The following MTTP variants were observed in gnomAD, a reference collection of about 807,000 sequenced individuals.
MTTP encodes microsomal triglyceride transfer protein, also known as microsomal triglyceride transfer protein large subunit.
MTTP carries 49 observed loss-of-function variants against 90.6 expected under a neutral mutation model. The observed-to-expected ratio is 0.54, with a 90% CI of 0.43 to 0.69. The LOEUF (loss-of-function observed/expected upper bound fraction) is 0.69. MTTP is among the 30% of genes least tolerant of loss of function. MTTP has a pLI of 0.00. For synonymous variants in MTTP, 347 were observed against 384.2 expected (o/e 0.90, Z 1.13); for missense variants, 945 against 1,067.5 (o/e 0.89, Z 1.60).
rs1390084616 is a variant in MTTP at position 99,582,036 on chromosome 4, G to A, written c.193G>A (p.Val65Met). Residue 65 changes from valine (V) to methionine (M), a missense_variant, in exon 2 of 18, where the codon GTG becomes ATG. Coordinates refer to ENST00000265517, the MANE Select transcript of MTTP (RefSeq NM_001386140.1). ...VGYRISSNVD[V>M]ALLWRNPDGD... ...CTACCGCATTTCCTCCAACGTGGATGTGGCCTTACTATGGAGGAATCCTGA... is the reference window on the plus strand; with the variant it reads ...CTACCGCATTTCCTCCAACGTGGATATGGCCTTACTATGGAGGAATCCTGA... 1.2e-6 allele frequency: 2 copies of A among 1,614,086 alleles called. No homozygotes were observed. The highest frequency in any genetic ancestry group is 2.7e-5 in the African/African-American group (2 of 74,942).
At position 99,598,653 on chromosome 4, in the gene MTTP, C is replaced by CTTTTTTTTTT. The variant is rs745529189; in HGVS notation, c.1067+1448_1067+1457dup. Reference sequence around the variant, plus strand: ...ACAACAGTATATCCTTCAAGGAAGTCTTTTTTTTTTTTTTTTTTTTTTTTT... The same window carrying CTTTTTTTTTT: ...ACAACAGTATATCCTTCAAGGAAGTCTTTTTTTTTTTTTTTTTTTTTTTTTTTTTTTTTTT... On this transcript the variant is annotated intron_variant, in intron 8 of 17. Coordinates refer to ENST00000265517, the MANE Select transcript of MTTP (RefSeq NM_001386140.1). 1.9e-4 allele frequency among the ~76,000 whole-genome samples: 16 copies of CTTTTTTTTTT among 82,546 alleles called. 4 individuals are homozygous for CTTTTTTTTTT. Among genetic ancestry groups the CTTTTTTTTTT allele is most frequent in the Non-Finnish European group, 2.3e-4 (10 of 43,210 alleles). 54.2% of individuals were successfully genotyped at this position (82,546 alleles called of 152,430 possible).
At chr4:99,602,980 C>G (rs904082151) in intron 10 of MTTP, among the ~76,000 whole-genome samples, 29 of 152,094 alleles carry the variant, frequency 1.9e-4, no homozygotes, top group Non-Finnish European at 3.7e-4. Flanking sequence ...TCAGACAATA[C>G]AGAAGATGCA....
chr4:99,613,071 A>T lies in MTTP; in HGVS notation c.2148A>T (p.Lys716Asn), dbSNP rs369445389. The change falls in exon 15 of 18, where the codon AAA becomes AAT. Residue 716 changes from lysine (K) to asparagine (N), a missense_variant. Physicochemically the swap from Lys to Asn is moderately conservative, Grantham distance 94 (BLOSUM62 0). Transcript: ENST00000265517. ...ACGGATACAGTGATTTGATGTCCAA[A>T]ATGCTGTCAGCATCTGGCGACCCTA... Reference protein sequence around the residue: ...FFNGYSDLMSKMLSASGDPIS... With the variant: ...FFNGYSDLMSNMLSASGDPIS... 2.7e-5 allele frequency: 43 copies of T among 1,613,954 alleles called. No homozygotes were observed. The highest frequency in any genetic ancestry group is 3.3e-5 in the Non-Finnish European group (39 of 1,179,966).
Position 99,594,881 on chromosome 4 carries a change from T to A in MTTP, c.907T>A (p.Ser303Thr). 6.2e-7 allele frequency: 1 copy of A among 1,613,796 alleles called. No individual in the cohort carries two copies. The highest frequency in any genetic ancestry group is 1.1e-5 in the South Asian group (1 of 91,078). Residue 303 changes from serine to threonine, a missense_variant and splice_region_variant, in exon 7 of 18, where the codon TCT becomes ACT. Physicochemically the swap from Ser to Thr is moderately conservative, Grantham distance 58. Coordinates refer to ENST00000265517, the MANE Select transcript of MTTP (RefSeq NM_001386140.1). The stretch of plus-strand genomic sequence containing the variant: ...CCAGAGCCACTGTAAAGGATGTCCT[T>A]CTGTAAGTGCAGACAAATATGGGAA... ...VFQSHCKGCP[S>T]LSELWRSTRK... is the part of the protein sequence containing the mutation.
intron 15 of MTTP, among the ~76,000 whole-genome samples, chr4:99,614,423 G>A (rs1160577517): frequency 6.6e-6 from 1 of 152,220 alleles, no homozygotes; most frequent in Non-Finnish European, 1.5e-5. Context: ...GGATTAAACA[G>A]TGTTAATTTT....
chr4:99,567,459 G>A (rs1050001709), intron 1 of MTTP, among the ~76,000 whole-genome samples: 3 of 152,126 alleles, frequency 2.0e-5, no homozygotes. Flanking sequence ...GAATGGGAAG[G>A]CCCCAAAACT....
intron 10 of MTTP, among the ~76,000 whole-genome samples, chr4:99,601,956 C>A (rs1057060176): frequency 6.6e-6 from 1 of 151,846 alleles, no homozygotes; most frequent in African/African-American, 2.4e-5. Context: ...TTTTTCAACA[C>A]CAATTGCTCA....
At chr4:99,572,556 A>C (rs2110206182), upstream of MTTP, among the ~76,000 whole-genome samples, 1 of 152,196 alleles carries the variant, frequency 6.6e-6, no homozygotes, top group East Asian at 1.9e-4. Flanking sequence ...CTAATATGTC[A>C]AATGACTGTT....
chr4:99,590,674 C>G (rs1474479601), intron 4 of MTTP, among the ~76,000 whole-genome samples: 2 of 151,996 alleles, frequency 1.3e-5, no homozygotes, highest in Admixed American at 1.3e-4. Context: ...GGCAGAGGCC[C>G]CAGGAAAAAG....
At chr4:99,588,334 A>T (rs1725308569) in intron 3 of MTTP, among the ~76,000 whole-genome samples, 1 of 152,124 alleles carries the variant, frequency 6.6e-6, no homozygotes, top group African/African-American at 2.4e-5. Flanking sequence ...AGACCTTGGG[A>T]ATTTTTACAG....
intron 11 of MTTP, among the ~76,000 whole-genome samples, 180 bp downstream of exon 11, chr4:99,607,140 C>T (rs900756694): frequency 3.3e-5 from 5 of 149,718 alleles, no homozygotes; most frequent in African/African-American, 7.3e-5. Flanking sequence ...CACAGGGTAA[C>T]GTCCTATATC....
At chr4:99,600,464 C>G (rs1578246529) in intron 8 of MTTP, 101 bp from the exon 9 acceptor site, 1 of 1,226,648 alleles carries the variant, frequency 8.2e-7, no homozygotes, top group African/African-American at 1.5e-5. Context: ...AAAATCACTT[C>G]TTGAGAAAAC....
At position 99,597,129 on chromosome 4, in the gene MTTP, G is replaced by A. The variant is rs146953015; in HGVS notation, c.972G>A (p.Glu324=). Residue 324 remains glutamate, a synonymous_variant, in exon 8 of 18, where the codon GAG becomes GAA. Transcript: ENST00000265517. ...YLQPDNLSKA[E]AVRNFLAFIQ... ...AGCCTGACAACCTTTCCAAGGCTGAGGCTGTCAGAAACTTCCTGGCCTTCA... is the reference window on the plus strand; with the variant it reads ...AGCCTGACAACCTTTCCAAGGCTGAAGCTGTCAGAAACTTCCTGGCCTTCA... The A allele has an allele frequency of 1.7e-4, 276 of 1,614,066 alleles. 1 individual carries two copies. The African/African-American group carries it at 3.0e-3, about 18-fold the overall frequency.
At chr4:99,598,953 G>GCA (rs1241904013) in intron 8 of MTTP, among the ~76,000 whole-genome samples, 1 of 152,024 alleles carries the variant, frequency 6.6e-6, no homozygotes, top group Non-Finnish European at 1.5e-5. Context: ...GTGAGCCACC[G>GCA]CACATGGCCA....
intron 15 of MTTP, among the ~76,000 whole-genome samples, chr4:99,613,802 A>G (rs76826818): frequency 0.1 from 15,880 of 152,224 alleles, 997 homozygotes; most frequent in Middle Eastern, 0.2. Flanking sequence ...ACTATCTTTG[A>G]TGCAGTAAGA....
At chr4:99,596,071 A>T (rs1032710874) in intron 7 of MTTP, among the ~76,000 whole-genome samples, 2 of 152,150 alleles carry the variant, frequency 1.3e-5, no homozygotes, top group Non-Finnish European at 2.9e-5. Context: ...ACCTGAATTC[A>T]TATTGATATG....
At chr4:99,588,373 A>G (rs950192258) in intron 3 of MTTP, among the ~76,000 whole-genome samples, 1 of 152,110 alleles carries the variant, frequency 6.6e-6, no homozygotes, top group Non-Finnish European at 1.5e-5. Context: ...CTATTTCTAA[A>G]TTGTGTGATG....
At chr4:99,574,335 G>A (rs184400884), upstream of MTTP, among the ~76,000 whole-genome samples, 92 of 152,294 alleles carry the variant, frequency 6.0e-4, 1 homozygote, top group African/African-American at 2.2e-3. Context: ...ATTGGTGGTG[G>A]TATGAATTAA....
intron 1 of MTTP, among the ~76,000 whole-genome samples, chr4:99,576,091 T>C (rs1724950548): frequency 6.6e-6 from 1 of 152,122 alleles, no homozygotes; most frequent in African/African-American, 2.4e-5. Context: ...AAAGAAAATA[T>C]TTTCACCAAT....
Sources: gnomAD v4.1 joint callset for allele counts (sites outside exome capture counted in the v4.1 genomes callset) on GRCh38, gnomAD v4.1.1 for gene constraint, MANE v1.5 for transcripts, NCBI Gene and HGNC (gene_info 2026-07-23, HGNC 2026-07-21) for gene names.